The following DMD variants were observed in gnomAD, a reference collection of about 807,000 sequenced individuals.
DMD encodes the protein mutant dystrophin.
In DMD, 63 loss-of-function variants were observed where a neutral mutation model predicts 330.1. The observed-to-expected ratio is 0.19, with a 90% CI of 0.16 to 0.24. DMD has a LOEUF of 0.24. Among genes scored for constraint, DMD ranks in the 10% least tolerant of loss-of-function variants. The pLI is 1.00. For synonymous variants in DMD, 1,223 were observed against 959.8 expected (o/e 1.27, Z -5.07); for missense variants, 3,344 against 2,684.1 (o/e 1.25, Z -5.43).
chrX:31,364,128 G>A (rs780070751), intron 60 of DMD, among the ~76,000 whole-genome samples: 2 of 112,724 alleles, frequency 1.8e-5, no homozygotes, highest in African/African-American at 3.2e-5. Flanking sequence ...GAGTCTAGAA[G>A]ATCTGCATTG....
At chrX:32,411,069 A>G (rs1480984051) in intron 30 of DMD, among the ~76,000 whole-genome samples, 1 of 112,092 alleles carries the variant, frequency 8.9e-6, no homozygotes, top group Non-Finnish European at 1.9e-5. Flanking sequence ...AGACCATGTG[A>G]CTAAACGAGG....
At chrX:31,323,244 A>T (rs2056548233) in intron 62 of DMD, among the ~76,000 whole-genome samples, 1 of 111,947 alleles carries the variant, frequency 8.9e-6, no homozygotes, top group East Asian at 2.8e-4. Flanking sequence ...TGACGGAAGA[A>T]GAAATGTGAG....
In DMD at chrX:32,844,683, G is replaced by A. The variant is rs1009835890; in HGVS notation, c.264+100C>T. The A allele has an allele frequency of 4.2e-6, 3 of 713,814 alleles. No individual in the cohort carries two copies. The Admixed American group carries it at 7.1e-5, about 17-fold the overall frequency. 58.8% of individuals were successfully genotyped at this position (713,814 alleles called of 1,213,427 possible). A position where few individuals can be genotyped will look rare whatever the true frequency, so the allele number is the denominator to read the frequency against. On this transcript the variant is annotated intron_variant, in intron 4 of 78. Transcript: ENST00000357033. ...GTAAGAACTGGTCTGATTTACAAGA[G>A]AATTTGAAATACTTTCTCTGCATTT...
chrX:31,792,409 A>G, intron 50 of DMD, among the ~76,000 whole-genome samples: 1 of 112,478 alleles, frequency 8.9e-6, no homozygotes. Flanking sequence ...TTCTACCATT[A>G]GAAATTAGCA....
In DMD at chrX:32,391,192, T is replaced by C. The variant is rs1011079913; in HGVS notation, c.4234-1011A>G. The stretch of plus-strand genomic sequence containing the variant: ...CGGTCAAATCATTCTAATTTAAAAT[T>C]CAGTCATTATTAGATTATTATAATT... On this transcript the variant is annotated intron_variant, in intron 30 of 78. Coordinates refer to ENST00000357033, the MANE Select transcript of DMD (RefSeq NM_004006.3). Among the ~76,000 whole-genome samples, 5 of 111,547 alleles carry C rather than the reference T, an allele frequency of 4.5e-5. No individual in the cohort carries two copies. The East Asian group carries it at 8.4e-4, about 19-fold the overall frequency.
rs59615573 is a variant in DMD at position 32,728,697 on chromosome X, A to G, written c.650-29404T>C. On this transcript the variant is annotated intron_variant, in intron 7 of 78. Coordinates refer to ENST00000357033, the MANE Select transcript of DMD (RefSeq NM_004006.3). ...CAGTAAGGCAGATATCTTTGGGAAT[A>G]TAATGCATAGAAAATAGTATTTTCT... Among the ~76,000 whole-genome samples the G allele has an allele frequency of 0.012, 1,398 of 112,386 alleles. 38 individuals are homozygous for G. In the East Asian group the frequency reaches 0.16, roughly 13 times the overall value.
chrX:31,260,037 G>A (rs1283869303), intron 63 of DMD, among the ~76,000 whole-genome samples: 1 of 111,400 alleles, frequency 9.0e-6, no homozygotes, highest in Non-Finnish European at 1.9e-5. Flanking sequence ...AACACAGCCT[G>A]GGCAACATAG....
At chrX:32,993,080 A>G (rs1363851275) in intron 2 of DMD, among the ~76,000 whole-genome samples, 1 of 111,823 alleles carries the variant, frequency 8.9e-6, no homozygotes, top group African/African-American at 3.2e-5. Context: ...ATTCTGATTT[A>G]TAGCTAATAT....
At chrX:31,371,909 G>A (rs1165645862) in intron 60 of DMD, among the ~76,000 whole-genome samples, 1 of 112,258 alleles carries the variant, frequency 8.9e-6, no homozygotes, top group Admixed American at 9.5e-5. Context: ...GAGAGCCACT[G>A]GGCAAAGCAC....
At chrX:32,835,129 C>G (rs1272019623) in intron 4 of DMD, among the ~76,000 whole-genome samples, 1 of 111,525 alleles carries the variant, frequency 9.0e-6, no homozygotes, top group Non-Finnish European at 1.9e-5. Flanking sequence ...TTAGTTATAT[C>G]CAAGGAAAGT....
intron 55 of DMD, among the ~76,000 whole-genome samples, chrX:31,572,594 A>C (rs1041794946): frequency 1.2e-4 from 13 of 112,595 alleles, no homozygotes. Context: ...GATTTTGTGT[A>C]TAAATACCCC....
intron 7 of DMD, among the ~76,000 whole-genome samples, chrX:32,783,010 C>A (rs376466949): frequency 4.0e-5 from 4 of 99,186 alleles, no homozygotes; most frequent in African/African-American, 1.2e-4. Flanking sequence ...TACACACACA[C>A]GTATATATAC....
intron 1 of DMD, chrX:33,159,703 G>T (rs1357853254): frequency 3.6e-5 from 4 of 111,368 alleles, no homozygotes; most frequent in Admixed American, 2.9e-4. Context: ...CATTTGGGTT[G>T]GTTCTAAGTC....
chrX:32,703,153 A>T (rs1373965600), intron 7 of DMD, among the ~76,000 whole-genome samples: 1 of 111,443 alleles, frequency 9.0e-6, no homozygotes, highest in African/African-American at 3.3e-5. Context: ...TTCTAAAGCT[A>T]TCATCATCCT....
chrX:32,468,128 C>A (rs2040239654), intron 23 of DMD, among the ~76,000 whole-genome samples: 1 of 109,333 alleles, frequency 9.1e-6, no homozygotes, highest in Non-Finnish European at 1.9e-5. Flanking sequence ...TACAATATAC[C>A]TCTGTATAAT....
chrX:31,370,232 C>G (rs1174375199), intron 60 of DMD, among the ~76,000 whole-genome samples: 1 of 111,045 alleles, frequency 9.0e-6, no homozygotes, highest in Non-Finnish European at 1.9e-5. Context: ...AATTAAAATT[C>G]TTTTTCATCC....
At chrX:31,440,102 G>A (rs2064823034) in intron 60 of DMD, among the ~76,000 whole-genome samples, 2 of 109,101 alleles carry the variant, frequency 1.8e-5, no homozygotes, top group Admixed American at 2.0e-4. Context: ...GTAAAAAAGT[G>A]AAGTATTTTA....
intron 56 of DMD, among the ~76,000 whole-genome samples, chrX:31,498,430 T>A (rs1347646158): frequency 8.9e-6 from 1 of 112,279 alleles, no homozygotes; most frequent in Non-Finnish European, 1.9e-5. Flanking sequence ...TATATAATGG[T>A]GCATTCATAC....
At chrX:32,801,653 A>C (rs973902683) in intron 7 of DMD, among the ~76,000 whole-genome samples, 1 of 111,957 alleles carries the variant, frequency 8.9e-6, no homozygotes, top group Non-Finnish European at 1.9e-5. Context: ...TATTACATTT[A>C]AGTCTTTAAT....
Sources: allele counts gnomAD v4.1 joint callset (sites outside exome capture counted in the v4.1 genomes callset), GRCh38; gene constraint gnomAD v4.1.1; transcripts MANE v1.5; gene names NCBI Gene and HGNC (gene_info 2026-07-23, HGNC 2026-07-21).